CNTN4: variants seen among roughly 807,000 people sequenced by gnomAD.
The protein encoded by CNTN4 is contactin 4.
In CNTN4, 77 loss-of-function variants were observed where a neutral mutation model predicts 122.5. The ratio of observed to expected loss-of-function variants is 0.63; its 90% CI spans 0.52 to 0.76. The LOEUF (loss-of-function observed/expected upper bound fraction) is 0.76, where lower values mean the gene tolerates loss of function less well. Among genes scored for constraint, CNTN4 ranks in the 30% least tolerant of loss-of-function variants. The pLI, the probability that CNTN4 is intolerant of heterozygous loss-of-function variation, is 0.00. For missense variants in CNTN4, 1,256 were observed against 1,259.1 expected, an observed-to-expected ratio of 1.00 and a Z score of 0.04; for synonymous variants, 512 against 447.0, an observed-to-expected ratio of 1.15 and a Z score of -1.83.
intron 2 of CNTN4, among the ~76,000 whole-genome samples, chr3:2,304,163 C>G (rs1236635920): frequency 2.0e-5 from 3 of 152,058 alleles, no homozygotes; most frequent in Non-Finnish European, 4.4e-5. Context: ...AAGTTAGAAG[C>G]CAATATGTAA....
intron 3 of CNTN4, among the ~76,000 whole-genome samples, chr3:2,520,801 C>A (rs140398255): frequency 6.6e-6 from 1 of 152,018 alleles, no homozygotes; most frequent in East Asian, 1.9e-4. Flanking sequence ...ATTTTTCTTG[C>A]GTACCTGTGC....
chr3:2,281,372 C>G (rs1329978615), intron 2 of CNTN4, among the ~76,000 whole-genome samples: 2 of 152,016 alleles, frequency 1.3e-5, no homozygotes, highest in Non-Finnish European at 2.9e-5. Flanking sequence ...AACTCCTAAC[C>G]ACAACTATTA....
chr3:2,599,141 C>T (rs1197319655), intron 4 of CNTN4, among the ~76,000 whole-genome samples: 4 of 152,066 alleles, frequency 2.6e-5, no homozygotes, highest in African/African-American at 9.7e-5. Context: ...CAGAGATTAG[C>T]GTGTATCCAC....
intron 6 of CNTN4, among the ~76,000 whole-genome samples, chr3:2,814,474 A>G (rs2092683891): frequency 6.6e-6 from 1 of 152,202 alleles, no homozygotes; most frequent in South Asian, 2.1e-4. Context: ...TTTGCACCTA[A>G]CATTTACAAT....
intron 2 of CNTN4, among the ~76,000 whole-genome samples, chr3:2,330,014 C>T (rs1176182137): frequency 5.3e-5 from 8 of 151,940 alleles, no homozygotes; most frequent in African/African-American, 1.9e-4. Flanking sequence ...AGAGCTCGGT[C>T]CCACGTGAAT....
intron 3 of CNTN4, among the ~76,000 whole-genome samples, chr3:2,567,261 T>C (rs1352247211): frequency 6.6e-6 from 1 of 152,032 alleles, no homozygotes; most frequent in African/African-American, 2.4e-5. Context: ...TAATTTTTTC[T>C]ATTTTTAGTA....
chr3:2,659,696 T>C (rs1170163956), intron 4 of CNTN4, among the ~76,000 whole-genome samples: 1 of 152,172 alleles, frequency 6.6e-6, no homozygotes, highest in African/African-American at 2.4e-5. Context: ...GATGGTCACC[T>C]GAGCCCAGAG....
chr3:2,391,020 G>C (rs1404344787), intron 3 of CNTN4, among the ~76,000 whole-genome samples: 1 of 152,196 alleles, frequency 6.6e-6, no homozygotes, highest in Non-Finnish European at 1.5e-5. Context: ...TGTAATAACA[G>C]GTGTTCCTTG....
At chr3:2,536,086 C>T (rs1307254570) in intron 3 of CNTN4, among the ~76,000 whole-genome samples, 1 of 152,092 alleles carries the variant, frequency 6.6e-6, no homozygotes, top group Non-Finnish European at 1.5e-5. Flanking sequence ...CATTTAAAAC[C>T]TCATTTTCTT....
Position 2,957,594 on chromosome 3 carries a change from C to G in CNTN4, c.1359-30751C>G, listed in dbSNP as rs557306432. Among the ~76,000 whole-genome samples, 5 of 152,246 alleles carry G rather than the reference C, an allele frequency of 3.3e-5. No homozygotes were observed. In the South Asian group the frequency reaches 1.0e-3, roughly 32 times the overall value. The stretch of plus-strand genomic sequence containing the variant: ...TAGTTTTTCAGCTCACATCCCCTCC[C>G]CACCTTCCCCACTCTAACAGTTCCC... On this transcript the variant is annotated intron_variant, in intron 13 of 24. Coordinates refer to ENST00000418658, the MANE Select transcript of CNTN4 (RefSeq NM_175607.3).
At chr3:2,418,916 A>G (rs35014764) in intron 3 of CNTN4, among the ~76,000 whole-genome samples, 28,262 of 152,026 alleles carry the variant, frequency 0.19, 3,279 homozygotes, top group Middle Eastern at 0.27. Context: ...GAATCCTACA[A>G]CCCGTAGGAT....
rs185093753 is a variant in CNTN4, at chr3:2,438,171, G to T, written c.-89+98938G>T. Among the ~76,000 whole-genome samples the T allele has an allele frequency of 2.0e-5, 3 of 152,108 alleles. No homozygotes were observed. The East Asian group carries it at 5.8e-4, about 29-fold the overall frequency. On this transcript the variant is annotated intron_variant, in intron 3 of 24. Transcript: ENST00000418658. ...CTTTCGCCCTTTATTTCTTTCACCAGTTCTTTAAAAGCGTTCAGCATTGTA... is the reference window on the plus strand; with the variant it reads ...CTTTCGCCCTTTATTTCTTTCACCATTTCTTTAAAAGCGTTCAGCATTGTA...
chr3:2,511,478 T>TGGCGGAGAGCCATGCAGCGCGC (rs2076883942), intron 3 of CNTN4: 1 of 152,256 alleles, frequency 6.6e-6, no homozygotes, highest in Non-Finnish European at 1.5e-5. Context: ...TGATGAATGC[T>TGGCGGAGAGCCATGCAGCGCGC]GGCGGAGAGC....
intron 8 of CNTN4, 39 bp downstream of exon 8, chr3:2,866,988 A>G (rs1375261871): frequency 5.2e-6 from 8 of 1,545,914 alleles, no homozygotes; most frequent in Admixed American, 5.0e-5. Context: ...TGTTTCTGCA[A>G]TCACAGGATG....
At chr3:2,475,218 A>T (rs762634384) in intron 3 of CNTN4, among the ~76,000 whole-genome samples, 1 of 152,222 alleles carries the variant, frequency 6.6e-6, no homozygotes, top group Non-Finnish European at 1.5e-5. Flanking sequence ...GTCTCAAAAC[A>T]CTTGGAGATA....
In CNTN4 at chr3:2,422,040, T is replaced by C. The variant is rs549298262; in HGVS notation, c.-89+82807T>C. Among the ~76,000 whole-genome samples the C allele has an allele frequency of 9.2e-4, 140 of 152,278 alleles. 1 individual carries two copies. Among genetic ancestry groups the C allele is most frequent in the Non-Finnish European group, 1.5e-3 (105 of 68,038 alleles). On this transcript the variant is annotated intron_variant, in intron 3 of 24. Coordinates refer to ENST00000418658, the MANE Select transcript of CNTN4 (RefSeq NM_175607.3). Reference sequence around the variant, plus strand: ...TGCCTCTGTAATTAGCTTTTATGGATAAGTTTATCTTTCCGTACTCAGAAA... The same window carrying C: ...TGCCTCTGTAATTAGCTTTTATGGACAAGTTTATCTTTCCGTACTCAGAAA...
At chr3:2,864,972 T>C (rs1371785702) in intron 7 of CNTN4, among the ~76,000 whole-genome samples, 1 of 152,030 alleles carries the variant, frequency 6.6e-6, no homozygotes, top group Non-Finnish European at 1.5e-5. Context: ...AACTCACCTG[T>C]TGAGTATGTA....
intron 14 of CNTN4, among the ~76,000 whole-genome samples, chr3:2,998,018 TAGAAG>T (rs1695684675): frequency 6.6e-6 from 1 of 152,180 alleles, no homozygotes; most frequent in African/African-American, 2.4e-5. Context: ...GGATTCTACC[TAGAAG>T]AGGAGGATCC....
At chr3:2,460,226 C>T (rs575489745) in intron 3 of CNTN4, among the ~76,000 whole-genome samples, 1 of 152,106 alleles carries the variant, frequency 6.6e-6, no homozygotes, top group Non-Finnish European at 1.5e-5. Context: ...TTTCTGGTAT[C>T]CCTAGCTCAA....
Sources: gnomAD v4.1 joint callset for allele counts (sites outside exome capture counted in the v4.1 genomes callset) on GRCh38, gnomAD v4.1.1 for gene constraint, MANE v1.5 for transcripts, NCBI Gene and HGNC (gene_info 2026-07-23, HGNC 2026-07-21) for gene names.